DCDC1: variants seen among roughly 807,000 people sequenced by gnomAD.
DCDC1 encodes the protein doublecortin domain-containing protein 1.
DCDC1 carries 200 observed loss-of-function variants against 178.3 expected under a neutral mutation model. The observed-to-expected ratio is 1.12, with a 90% CI of 1.00 to 1.26. The LOEUF is 1.26. Ranked by LOEUF, DCDC1 falls within the 50% of genes most tolerant of loss-of-function variation. DCDC1 has a pLI of 0.00. For missense variants in DCDC1, 1,983 were observed against 1,749.2 expected (o/e 1.13, Z -2.38); for synonymous variants, 690 against 604.8 (o/e 1.14, Z -2.07).
chr11:31,070,480 A>G, intron 18 of DCDC1, among the ~76,000 whole-genome samples: 1 of 152,144 alleles, frequency 6.6e-6, no homozygotes, highest in East Asian at 1.9e-4. Flanking sequence ...AATTTTAACA[A>G]AGCCCATCTC....
At position 30,899,655 on chromosome 11, in the gene DCDC1, A is replaced by C; in HGVS notation, c.4664-13T>G. 6.6e-7 allele frequency: 1 copy of C among 1,504,702 alleles called. No individual in the cohort carries two copies. The highest frequency in any genetic ancestry group is 8.9e-7 in the Non-Finnish European group (1 of 1,124,258). 93.2% of individuals were successfully genotyped at this position (1,504,702 alleles called of 1,614,324 possible). On this transcript the variant is annotated splice_polypyrimidine_tract_variant and intron_variant, in intron 33 of 38. Transcript: ENST00000684477. ...GCTTTCTGCAAAGCTAGAATAATAAAAATACAAGATATTTTATCAACAGTA... is the reference window on the plus strand; with the variant it reads ...GCTTTCTGCAAAGCTAGAATAATAACAATACAAGATATTTTATCAACAGTA...
intron 9 of DCDC1, among the ~76,000 whole-genome samples, chr11:31,198,312 A>T (rs549286464): frequency 6.6e-6 from 1 of 152,076 alleles, no homozygotes; most frequent in African/African-American, 2.4e-5. Flanking sequence ...CTATGGCAAC[A>T]ACTTTAGTGA....
At chr11:30,955,392 T>C (rs1161917464) in intron 20 of DCDC1, among the ~76,000 whole-genome samples, 1 of 152,194 alleles carries the variant, frequency 6.6e-6, no homozygotes, top group African/African-American at 2.4e-5. Context: ...TATCCTGGCT[T>C]ACTTTTGTTC....
intron 9 of DCDC1, among the ~76,000 whole-genome samples, chr11:31,235,650 T>C (rs1484986400): frequency 6.6e-6 from 1 of 151,998 alleles, no homozygotes; most frequent in African/African-American, 2.4e-5. Context: ...ATTTTTAATA[T>C]GTTGATAAAG....
intron 13 of DCDC1, among the ~76,000 whole-genome samples, chr11:31,104,677 ATAT>A (rs1237012162): frequency 6.6e-6 from 1 of 152,060 alleles, no homozygotes; most frequent in African/African-American, 2.4e-5. Flanking sequence ...ACTGTGTTAG[ATAT>A]TATAATGTGG....
At position 31,306,388 on chromosome 11, in the gene DCDC1, C is replaced by T. The variant is rs759785116; in HGVS notation, c.435G>A (p.Arg145=). The T allele has an allele frequency of 1.9e-6, 3 of 1,580,052 alleles. No homozygotes were observed. Among genetic ancestry groups the T allele is most frequent in the Non-Finnish European group, 2.6e-6 (3 of 1,168,598 alleles). The part of the protein sequence containing the change: ...RPVSAPVGQL[R]VAEFSSLKFQ... ...ATTTTAAAGAAGAGAACTCTGCAAC[C>T]CTGAAGAAAAAGAAAAACAGAAAAA... is the stretch of plus-strand genomic sequence containing the variant. The change falls in exon 5 of 39, where the codon AGG becomes AGA. Residue 145 remains arginine, a splice_region_variant and synonymous_variant. Coordinates refer to ENST00000684477, the MANE Select transcript of DCDC1 (RefSeq NM_001387274.1).
In DCDC1 at chr11:30,916,858, G is replaced by C. The variant is rs1945875718; in HGVS notation, c.3452+12C>G. Reference sequence around the variant, plus strand: ...CAGAAATCTTTAAGAGGAATCCTTTGCAACTTTTTACCTGTGTTTCTTCTG... The same window carrying C: ...CAGAAATCTTTAAGAGGAATCCTTTCCAACTTTTTACCTGTGTTTCTTCTG... On this transcript the variant is annotated intron_variant, in intron 26 of 38. Coordinates refer to ENST00000684477, the MANE Select transcript of DCDC1 (RefSeq NM_001387274.1). 1 of 1,589,960 alleles carries C rather than the reference G, an allele frequency of 6.3e-7. No homozygotes were observed. The highest frequency in any genetic ancestry group is 1.4e-5 in the African/African-American group (1 of 73,974).
intron 7 of DCDC1, among the ~76,000 whole-genome samples, chr11:31,274,427 TA>T (rs1235540080): frequency 6.6e-6 from 1 of 152,140 alleles, no homozygotes; most frequent in Non-Finnish European, 1.5e-5. Context: ...AAAATGATCA[TA>T]TCATTACATG....
chr11:31,220,296 C>T (rs536945952), intron 9 of DCDC1, among the ~76,000 whole-genome samples: 4 of 152,174 alleles, frequency 2.6e-5, no homozygotes, highest in East Asian at 3.9e-4. Flanking sequence ...AATGAAAATA[C>T]GCAGCTTCAT....
chr11:30,956,427 C>T (rs1948779221), intron 20 of DCDC1, among the ~76,000 whole-genome samples: 1 of 152,052 alleles, frequency 6.6e-6, no homozygotes, highest in Non-Finnish European at 1.5e-5. Flanking sequence ...TTATGTTGTT[C>T]ACTATTTTGG....
chr11:31,334,773 A>C (rs1950186541), intron 2 of DCDC1, among the ~76,000 whole-genome samples: 1 of 152,118 alleles, frequency 6.6e-6, no homozygotes, highest in African/African-American at 2.4e-5. Context: ...TCCTCTGGAA[A>C]CTTCGTCCCA....
chr11:30,956,601 A>G (rs1948788360), intron 20 of DCDC1, among the ~76,000 whole-genome samples: 1 of 152,112 alleles, frequency 6.6e-6, no homozygotes, highest in South Asian at 2.1e-4. Flanking sequence ...CTGAGAATCT[A>G]TATTATAATA....
chr11:31,063,995 A>G (rs773122346), intron 20 of DCDC1, among the ~76,000 whole-genome samples: 2 of 152,288 alleles, frequency 1.3e-5, no homozygotes, highest in East Asian at 1.9e-4. Context: ...AGCAATATCA[A>G]TGATGTTATT....
chr11:30,871,668 T>C (rs1415856954), intron 38 of DCDC1, among the ~76,000 whole-genome samples: 1 of 152,112 alleles, frequency 6.6e-6, no homozygotes, highest in Admixed American at 6.6e-5. Flanking sequence ...AATAGCAAGA[T>C]TTTATCAGCA....
chr11:31,096,616 A>C (rs574758722), intron 15 of DCDC1, among the ~76,000 whole-genome samples: 1 of 152,066 alleles, frequency 6.6e-6, no homozygotes, highest in African/African-American at 2.4e-5. Flanking sequence ...TCTTCAAGAG[A>C]TATTTTGCTG....
intron 20 of DCDC1, among the ~76,000 whole-genome samples, chr11:31,005,874 C>T (rs1388056054): frequency 6.6e-6 from 1 of 150,632 alleles, no homozygotes; most frequent in Non-Finnish European, 1.5e-5. Context: ...TGACTTTGAC[C>T]CATGGAAGCT....
intron 34 of DCDC1, among the ~76,000 whole-genome samples, chr11:30,896,476 C>T (rs1247820705): frequency 1.3e-5 from 2 of 152,134 alleles, no homozygotes; most frequent in Admixed American, 6.5e-5. Context: ...GAGTCTTGCC[C>T]GGACAGCTCT....
chr11:30,984,471 C>A (rs1367308375), intron 20 of DCDC1, among the ~76,000 whole-genome samples: 1 of 152,186 alleles, frequency 6.6e-6, no homozygotes, highest in East Asian at 1.9e-4. Context: ...ACCAGATTCA[C>A]ACAATTCTTG....
At chr11:30,915,824 G>A (rs550599710) in intron 26 of DCDC1, 113 bp from the exon 27 acceptor site, 129 of 1,035,616 alleles carry the variant, frequency 1.2e-4, no homozygotes, top group Non-Finnish European at 1.6e-4. Context: ...CGTGAAACAC[G>A]TTAACTTGAA....
Sources: allele counts gnomAD v4.1 joint callset (sites outside exome capture counted in the v4.1 genomes callset), GRCh38; gene constraint gnomAD v4.1.1; transcripts MANE v1.5; gene names NCBI Gene and HGNC (gene_info 2026-07-23, HGNC 2026-07-21).